The following SGPP1 variants were observed in gnomAD, a reference collection of about 807,000 sequenced individuals.
SGPP1 encodes the protein hSPP1.
A neutral mutation model predicts 33.0 loss-of-function variants in SGPP1; 21 were observed. The ratio of observed to expected loss-of-function variants is 0.64; its 90% confidence interval spans 0.45 to 0.92. The LOEUF is 0.92. Ranked by LOEUF, SGPP1 falls within the 40% of genes least tolerant of loss-of-function variation. The probability of loss-of-function intolerance (pLI) is 0.00; values close to 1 mark genes in which losing one functional copy is unlikely to be tolerated. For missense variants in SGPP1, 543 were observed against 589.4 expected (o/e 0.92, Z 0.81); for synonymous variants, 239 against 241.2 (o/e 0.99, Z 0.08).
intron 1 of SGPP1, among the ~76,000 whole-genome samples, chr14:63,722,003 CAA>C (rs554308450): frequency 3.3e-5 from 5 of 152,134 alleles, no homozygotes; most frequent in Admixed American, 6.5e-5. Context: ...AAATCACACA[CAA>C]AGTGTGATTT....
intron 2 of SGPP1, among the ~76,000 whole-genome samples, chr14:63,697,187 A>G (rs535037749): frequency 2.3e-4 from 35 of 152,236 alleles, no homozygotes; most frequent in Admixed American, 2.0e-3. Flanking sequence ...ATTAAAATTT[A>G]AAAAAACCTA....
chr14:63,687,853 G>A (rs767187429), intron 2 of SGPP1, among the ~76,000 whole-genome samples: 4 of 152,160 alleles, frequency 2.6e-5, no homozygotes, highest in Non-Finnish European at 5.9e-5. Context: ...AGGTGCAGTG[G>A]CTCACACCTG....
chr14:63,709,825 C>G (rs1303954099), intron 1 of SGPP1, among the ~76,000 whole-genome samples: 1 of 152,128 alleles, frequency 6.6e-6, no homozygotes, highest in Non-Finnish European at 1.5e-5. Flanking sequence ...CATCCTTGAT[C>G]ACAAGAAAAT....
rs1337817006 is a variant in SGPP1, at chr14:63,701,180, G to A, written c.685-2522C>T. 2.0e-5 allele frequency among the ~76,000 whole-genome samples: 3 copies of A among 152,036 alleles called. No homozygotes were observed. The East Asian group carries it at 5.8e-4, about 29-fold the overall frequency. On this transcript the variant is annotated intron_variant, in intron 1 of 2. Coordinates refer to ENST00000247225, the MANE Select transcript of SGPP1 (RefSeq NM_030791.4). ...AAATATTTTGCAGAGACAGGGTCTCGCCATGTTGCCCATGACTGGTCTTAA... is the reference window on the plus strand; with the variant it reads ...AAATATTTTGCAGAGACAGGGTCTCACCATGTTGCCCATGACTGGTCTTAA...
At chr14:63,700,668 T>C in intron 1 of SGPP1, among the ~76,000 whole-genome samples, 1 of 152,246 alleles carries the variant, frequency 6.6e-6, no homozygotes, top group East Asian at 1.9e-4. Flanking sequence ...TAAAACCTGA[T>C]AGGTAACATG....
intron 1 of SGPP1, among the ~76,000 whole-genome samples, chr14:63,712,501 T>C (rs186080233): frequency 2.6e-5 from 4 of 152,234 alleles, no homozygotes; most frequent in African/African-American, 7.2e-5. Context: ...AGCAAAACCA[T>C]TGGCTGTGCT....
chr14:63,705,602 AG>A (rs926154132), intron 1 of SGPP1, among the ~76,000 whole-genome samples: 1 of 152,044 alleles, frequency 6.6e-6, no homozygotes, highest in African/African-American at 2.4e-5. Context: ...TGGGAGGTAA[AG>A]GTTCCCACGA....
chr14:63,707,514 G>C (rs1178628443), intron 1 of SGPP1, among the ~76,000 whole-genome samples: 1 of 151,448 alleles, frequency 6.6e-6, no homozygotes, highest in Non-Finnish European at 1.5e-5. Context: ...CAAGTCATTA[G>C]TACTTCTTCA....
Position 63,727,531 on chromosome 14 carries a change from C to T in SGPP1, c.414G>A (p.Leu138=). The T allele has an allele frequency of 6.2e-7, 1 of 1,613,926 alleles. No homozygotes were observed. Among genetic ancestry groups the T allele is most frequent in the Non-Finnish European group, 8.5e-7 (1 of 1,180,006 alleles). ...ACAGGATGTAGAAGAGTTCGTTGCC[C>T]AGCTCCGTGCCGAAGCAGAACAGGC... ...LYCLFCFGTE[L]GNELFYILFF... Residue 138 remains leucine (L), a synonymous_variant, in exon 1 of 3, where the codon CTG becomes CTA. Transcript: ENST00000247225.
At position 63,719,592 on chromosome 14, in the gene SGPP1, C is replaced by T. The variant is rs190179312; in HGVS notation, c.684+7669G>A. On this transcript the variant is annotated intron_variant, in intron 1 of 2. Coordinates refer to ENST00000247225, the MANE Select transcript of SGPP1 (RefSeq NM_030791.4). Reference sequence around the variant, plus strand: ...GTATTGGAATATTTCTTGAGGGGAGCGCTGGGAAAATAAATAAATAAATGT... The same window carrying T: ...GTATTGGAATATTTCTTGAGGGGAGTGCTGGGAAAATAAATAAATAAATGT... 1.1e-3 allele frequency among the ~76,000 whole-genome samples: 164 copies of T among 151,456 alleles called. 1 individual carries two copies. Among genetic ancestry groups the T allele is most frequent in the Non-Finnish European group, 2.1e-3 (143 of 67,896 alleles).
chr14:63,716,931 G>T (rs879333070), intron 1 of SGPP1, among the ~76,000 whole-genome samples: 2 of 152,076 alleles, frequency 1.3e-5, no homozygotes, highest in Non-Finnish European at 2.9e-5. Context: ...GACCTCAGCT[G>T]ATCCACCTGC....
intron 1 of SGPP1, among the ~76,000 whole-genome samples, chr14:63,709,096 T>G (rs1309164984): frequency 2.0e-5 from 3 of 152,188 alleles, no homozygotes; most frequent in African/African-American, 7.2e-5. Context: ...TAATTCTGGC[T>G]GGGCGTGGTG....
At chr14:63,713,223 C>T (rs1885559023) in intron 1 of SGPP1, among the ~76,000 whole-genome samples, 1 of 152,202 alleles carries the variant, frequency 6.6e-6, no homozygotes, top group Admixed American at 6.5e-5. Flanking sequence ...GCCACTTTCC[C>T]CAAATCTGAC....
At chr14:63,709,118 T>C (rs1416849671) in intron 1 of SGPP1, among the ~76,000 whole-genome samples, 1 of 152,210 alleles carries the variant, frequency 6.6e-6, no homozygotes, top group Non-Finnish European at 1.5e-5. Flanking sequence ...GTCACACCTA[T>C]AATCCCAGTA....
intron 1 of SGPP1, among the ~76,000 whole-genome samples, chr14:63,711,615 T>C (rs374555088): frequency 2.0e-5 from 3 of 152,308 alleles, no homozygotes; most frequent in Admixed American, 6.5e-5. Flanking sequence ...TTCATTTAAT[T>C]GGATAAGACC....
At chr14:63,697,108 C>T (rs1477877292) in intron 2 of SGPP1, among the ~76,000 whole-genome samples, 1 of 152,158 alleles carries the variant, frequency 6.6e-6, no homozygotes, top group Non-Finnish European at 1.5e-5. Flanking sequence ...GATCAATAGA[C>T]GTCCAAATCT....
intron 2 of SGPP1, among the ~76,000 whole-genome samples, chr14:63,697,918 T>C (rs114879888): frequency 6.6e-6 from 1 of 152,284 alleles, no homozygotes; most frequent in East Asian, 1.9e-4. Context: ...AAACTGGAAG[T>C]TGGCTACTAA....
chr14:63,693,341 A>G (rs1017456335), intron 2 of SGPP1, among the ~76,000 whole-genome samples: 1 of 152,238 alleles, frequency 6.6e-6, no homozygotes, highest in African/African-American at 2.4e-5. Context: ...AATTAAAGGC[A>G]CAAGTCTTGG....
chr14:63,703,571 T>G lies in SGPP1; in HGVS notation c.685-4913A>C, dbSNP rs1203291596. 2.7e-5 allele frequency among the ~76,000 whole-genome samples: 4 copies of G among 146,696 alleles called. No individual in the cohort carries two copies. The Admixed American group carries it at 2.8e-4, about 10-fold the overall frequency. ...GGGAGGCTGAAGCAAGAGAATTGCT[T>G]GAACCCGGGAGGCAGAGGTTGCAGT... On this transcript the variant is annotated intron_variant, in intron 1 of 2. Transcript: ENST00000247225.
Sources: gnomAD v4.1 joint callset for allele counts (sites outside exome capture counted in the v4.1 genomes callset) on GRCh38, gnomAD v4.1.1 for gene constraint, MANE v1.5 for transcripts, NCBI Gene and HGNC (gene_info 2026-07-23, HGNC 2026-07-21) for gene names.